Variants in ADGRL3 observed in about 807,000 individuals in gnomAD.
ADGRL3 encodes adhesion G protein-coupled receptor L3.
A neutral mutation model predicts 153.5 loss-of-function variants in ADGRL3; 62 were observed. The ratio of observed to expected loss-of-function variants is 0.40; its 90% CI spans 0.33 to 0.50. The LOEUF is 0.50. ADGRL3 is among the 20% of genes least tolerant of loss of function. The pLI is 0.47. For missense variants in ADGRL3, 1,641 were observed against 1,859.4 expected (o/e 0.88, Z 2.16); for synonymous variants, 710 against 672.5 (o/e 1.06, Z -0.86).
At chr4:61,222,003 A>G (rs946242319) in intron 1 of ADGRL3, among the ~76,000 whole-genome samples, 3 of 152,154 alleles carry the variant, frequency 2.0e-5, no homozygotes, top group South Asian at 2.1e-4. Context: ...CAACTCCATC[A>G]TAACCATAAT....
In ADGRL3 at chr4:61,973,123, G is replaced by A. The variant is rs186438589; in HGVS notation, c.2806-6440G>A. On this transcript the variant is annotated intron_variant, in intron 17 of 26. Transcript: ENST00000683033. The stretch of plus-strand genomic sequence containing the variant: ...ATTTTAAGATCTGTCTCTCTATCTC[G>A]TTTGCTGACTTGCTTTTTTGACAAT... 6.6e-4 allele frequency among the ~76,000 whole-genome samples: 100 copies of A among 151,716 alleles called. 1 individual carries two copies. Among genetic ancestry groups the A allele is most frequent in the Admixed American group, 1.9e-3 (29 of 15,214 alleles).
chr4:61,983,497 G>A lies in ADGRL3; in HGVS notation c.3130G>A (p.Glu1044Lys). The change falls in exon 19 of 27, where the codon GAA becomes AAA. Residue 1044 changes from glutamate to lysine, a missense_variant. Around this residue, in one of 5 missense-constraint regions of ADGRL3, gnomAD observed 734 missense variants for 797.0 expected, o/e 0.92. Transcript: ENST00000683033. The part of the protein sequence containing the change: ...YIMLVEVFES[E>K]HSRRKYFYLV... ...CATGCTGGTGGAGGTTTTTGAGAGT[G>A]AACATTCACGTAGGAAATACTTTTA... The A allele has an allele frequency of 1.2e-6, 2 of 1,613,930 alleles. No homozygotes were observed. Among genetic ancestry groups the A allele is most frequent in the Non-Finnish European group, 1.7e-6 (2 of 1,179,864 alleles).
At chr4:61,613,070 T>G (rs950475038) in intron 5 of ADGRL3, among the ~76,000 whole-genome samples, 2 of 152,106 alleles carry the variant, frequency 1.3e-5, no homozygotes, top group African/African-American at 4.8e-5. Flanking sequence ...AGGGGTAAAT[T>G]AGTTCTGAAA....
chr4:61,663,592 C>T (rs2094683462), intron 5 of ADGRL3, among the ~76,000 whole-genome samples: 1 of 152,190 alleles, frequency 6.6e-6, no homozygotes, highest in African/African-American at 2.4e-5. Context: ...TGAGTGCAGC[C>T]TGCCAGGTCA....
intron 6 of ADGRL3, among the ~76,000 whole-genome samples, chr4:61,713,913 C>T (rs2096054757): frequency 6.6e-6 from 1 of 152,136 alleles, no homozygotes; most frequent in African/African-American, 2.4e-5. Flanking sequence ...TGTATCTAAG[C>T]TGTTTGTGAA....
At chr4:61,261,967 G>A (rs1363302064) in intron 1 of ADGRL3, among the ~76,000 whole-genome samples, 1 of 151,090 alleles carries the variant, frequency 6.6e-6, no homozygotes, top group Non-Finnish European at 1.5e-5. Flanking sequence ...AGACTTCAAG[G>A]GGAGTTAGAG....
intron 8 of ADGRL3, among the ~76,000 whole-genome samples, chr4:61,777,317 A>G (rs1248857529): frequency 3.3e-5 from 5 of 151,900 alleles, no homozygotes; most frequent in African/African-American, 1.2e-4. Context: ...TGGGCCATAG[A>G]GCCCAAGACT....
intron 4 of ADGRL3, among the ~76,000 whole-genome samples, chr4:61,565,801 G>A (rs978412850): frequency 4.6e-5 from 7 of 151,914 alleles, no homozygotes; most frequent in Admixed American, 1.3e-4. Flanking sequence ...GCCTCCCAAA[G>A]TGCTGGGATT....
rs115581063 is a variant in ADGRL3, at chr4:61,461,235, G to A, written c.-173-35886G>A. On this transcript the variant is annotated intron_variant, in intron 2 of 26. Coordinates refer to ENST00000683033, the MANE Select transcript of ADGRL3 (RefSeq NM_001387552.1). Reference sequence around the variant, plus strand: ...ACAATTCAATATGAGATTTCGGTGGGGACACAGCAAACCATACCAGTTAGT... The same window carrying A: ...ACAATTCAATATGAGATTTCGGTGGAGACACAGCAAACCATACCAGTTAGT... Among the ~76,000 whole-genome samples, 1,052 of 152,006 alleles carry A rather than the reference G, an allele frequency of 6.9e-3. 13 individuals carry two copies. The highest frequency in any genetic ancestry group is 0.021 in the African/African-American group (883 of 41,474).
At position 61,829,344 on chromosome 4, in the gene ADGRL3, C is replaced by T. The variant is rs144962670; in HGVS notation, c.1480+15455C>T. Among the ~76,000 whole-genome samples the T allele has an allele frequency of 6.6e-4, 101 of 152,240 alleles. 1 individual carries two copies. The highest frequency in any genetic ancestry group is 2.4e-3 in the African/African-American group (99 of 41,554). The stretch of plus-strand genomic sequence containing the variant: ...AAATGTATTTCTCCTAATACCAACC[C>T]CCTTTTTTTAAGCACATGGACTTAA... On this transcript the variant is annotated intron_variant, in intron 9 of 26. Transcript: ENST00000683033.
intron 9 of ADGRL3, among the ~76,000 whole-genome samples, chr4:61,858,652 A>G (rs1420177750): frequency 6.6e-6 from 1 of 152,202 alleles, no homozygotes; most frequent in Non-Finnish European, 1.5e-5. Flanking sequence ...TATGAATATT[A>G]AAATTTAAAT....
intron 8 of ADGRL3, among the ~76,000 whole-genome samples, chr4:61,752,192 A>T (rs1038498918): frequency 1.3e-5 from 2 of 152,320 alleles, no homozygotes; most frequent in South Asian, 4.1e-4. Context: ...CCAAAAACAG[A>T]TTAACAAGAA....
intron 4 of ADGRL3, among the ~76,000 whole-genome samples, chr4:61,537,219 T>A (rs2098662453): frequency 6.6e-6 from 1 of 151,860 alleles, no homozygotes; most frequent in African/African-American, 2.4e-5. Context: ...CCTCAATCTG[T>A]TTTGGTTTGT....
At chr4:61,609,027 CAGTT>C (rs1199151984) in intron 5 of ADGRL3, among the ~76,000 whole-genome samples, 1 of 151,854 alleles carries the variant, frequency 6.6e-6, no homozygotes, top group Non-Finnish European at 1.5e-5. Context: ...GTTTAGCATT[CAGTT>C]AGAATGGGAG....
chr4:61,911,520 T>C (rs2098721687), intron 12 of ADGRL3, among the ~76,000 whole-genome samples: 1 of 152,134 alleles, frequency 6.6e-6, no homozygotes, highest in Non-Finnish European at 1.5e-5. Flanking sequence ...TCATTTCCTG[T>C]GGTTCTCACT....
intron 8 of ADGRL3, among the ~76,000 whole-genome samples, chr4:61,806,040 C>T (rs1439053216): frequency 1.3e-5 from 2 of 152,060 alleles, no homozygotes; most frequent in African/African-American, 2.4e-5. Flanking sequence ...TTAACATTTG[C>T]CTTACTTTCT....
At chr4:61,550,036 G>C (rs2098733080) in intron 4 of ADGRL3, among the ~76,000 whole-genome samples, 1 of 151,844 alleles carries the variant, frequency 6.6e-6, no homozygotes, top group Non-Finnish European at 1.5e-5. Context: ...CATATCAACT[G>C]TCAAAACTAA....
At chr4:61,498,591 ATG>A (rs1279804861) in intron 3 of ADGRL3, among the ~76,000 whole-genome samples, 1 of 152,090 alleles carries the variant, frequency 6.6e-6, no homozygotes, top group Non-Finnish European at 1.5e-5. Context: ...AATAATATTA[ATG>A]TGTGTTTTCA....
At chr4:61,587,013 A>G (rs1405943619) in intron 4 of ADGRL3, among the ~76,000 whole-genome samples, 1 of 152,132 alleles carries the variant, frequency 6.6e-6, no homozygotes, top group East Asian at 1.9e-4. Flanking sequence ...AGTGTGATAA[A>G]GATTTTAAGA....
Sources: gnomAD v4.1 joint callset for allele counts (sites outside exome capture counted in the v4.1 genomes callset) on GRCh38, gnomAD v4.1.1 for gene constraint, gnomAD v4.1.1 regional missense constraint, MANE v1.5 for transcripts, NCBI Gene and HGNC (gene_info 2026-07-23, HGNC 2026-07-21) for gene names.